TCF4: variants seen among roughly 807,000 people sequenced by gnomAD.
The protein encoded by TCF4 is SL3-3 enhancer factor 2.
In TCF4, 3 loss-of-function variants were observed where a neutral mutation model predicts 82.1. That is an observed-to-expected ratio of 0.04 (90% confidence interval 0.02 to 0.09). TCF4 has a LOEUF of 0.09. TCF4 is among the 10% of genes least tolerant of loss of function. The pLI is 1.00. For synonymous variants in TCF4, 276 were observed against 309.6 expected (o/e 0.89, Z 1.14); for missense variants, 518 against 852.7 (o/e 0.61, Z 4.89).
At chr18:55,265,699 T>C (rs1474865363) in intron 11 of TCF4, 1 of 152,164 alleles carries the variant, frequency 6.6e-6, no homozygotes, top group Non-Finnish European at 1.5e-5. Flanking sequence ...AATAATAAAA[T>C]TACTGTGAAA....
chr18:55,402,112 C>A lies in TCF4; in HGVS notation c.369+1342G>T, dbSNP rs922853320. ...CTGTAAATTTCTTTCCTGCAGAATT[C>A]TTTCCAAACAAACTGCCATGAACTG... On this transcript the variant is annotated intron_variant, in intron 6 of 19. Coordinates refer to ENST00000354452, the MANE Select transcript of TCF4 (RefSeq NM_001083962.2). 5.1e-5 allele frequency: 50 copies of A among 985,344 alleles called. 1 individual carries two copies. The South Asian group carries it at 2.2e-3, about 44-fold the overall frequency. 61.0% of individuals were successfully genotyped at this position (985,344 alleles called of 1,614,324 possible).
chr18:55,302,198 G>T (rs933377057), intron 8 of TCF4, among the ~76,000 whole-genome samples: 5 of 152,254 alleles, frequency 3.3e-5, no homozygotes, highest in African/African-American at 1.2e-4. Context: ...CGTAATGACA[G>T]TCAGCACCAA....
intron 8 of TCF4, among the ~76,000 whole-genome samples, chr18:55,319,876 G>T (rs1480172820): frequency 6.6e-6 from 1 of 152,076 alleles, no homozygotes; most frequent in East Asian, 1.9e-4. Context: ...TGTCAGTTCA[G>T]ATATTTAAGA....
At chr18:55,558,882 G>T (rs927261402) in intron 3 of TCF4, among the ~76,000 whole-genome samples, 4 of 152,054 alleles carry the variant, frequency 2.6e-5, no homozygotes, top group African/African-American at 9.7e-5. Context: ...GGGGAGATTG[G>T]TTGCCTGTGT....
chr18:55,425,558 T>C (rs1018842412), intron 5 of TCF4, among the ~76,000 whole-genome samples: 2 of 151,350 alleles, frequency 1.3e-5, no homozygotes, highest in African/African-American at 4.8e-5. Context: ...TCCATAGCTA[T>C]GTAGGAAGGG....
At chr18:55,623,997 T>C (rs1568504021) in intron 2 of TCF4, among the ~76,000 whole-genome samples, 1 of 152,162 alleles carries the variant, frequency 6.6e-6, no homozygotes, top group Non-Finnish European at 1.5e-5. Flanking sequence ...TTCTCTTTAA[T>C]TGTGGCAAAT....
intron 6 of TCF4, among the ~76,000 whole-genome samples, chr18:55,368,525 C>G (rs990972110): frequency 6.6e-6 from 1 of 151,970 alleles, no homozygotes; most frequent in Admixed American, 6.6e-5. Flanking sequence ...AACAAAAAAA[C>G]AAAAAACACA....
At position 55,293,931 on chromosome 18, in the gene TCF4, C is replaced by CTTTTTTTTTTTTTTTTTTTTTTTT. The variant is rs781150808; in HGVS notation, c.550-14299_550-14276dup. 1.7e-4 allele frequency among the ~76,000 whole-genome samples: 7 copies of CTTTTTTTTTTTTTTTTTTTTTTTT among 40,054 alleles called. 3 individuals are homozygous for CTTTTTTTTTTTTTTTTTTTTTTTT. Among genetic ancestry groups the CTTTTTTTTTTTTTTTTTTTTTTTT allele is most frequent in the Non-Finnish European group, 3.6e-4 (7 of 19,606 alleles). The allele number at this position is 40,054 out of a possible 152,430, so 26.3% of individuals were successfully genotyped here. On this transcript the variant is annotated intron_variant, in intron 8 of 19. Transcript: ENST00000354452. The stretch of plus-strand genomic sequence containing the variant: ...TTTCATCTTCTAAACTTTCCAAGGA[C>CTTTTTTTTTTTTTTTTTTTTTTTT]TTTTTTTTTTTTTTTTTTTTTTTTT...
chr18:55,546,322 G>A (rs890292785), intron 3 of TCF4, among the ~76,000 whole-genome samples: 10 of 144,910 alleles, frequency 6.9e-5, no homozygotes, highest in Non-Finnish European at 1.3e-4. Flanking sequence ...CTGGGCAACA[G>A]AGAGAGACCC....
intron 3 of TCF4, among the ~76,000 whole-genome samples, chr18:55,523,845 C>T (rs1014077136): frequency 2.0e-5 from 3 of 151,944 alleles, no homozygotes; most frequent in Non-Finnish European, 4.4e-5. Context: ...AAGGATTTTT[C>T]TGTGATGTTC....
At chr18:55,321,975 C>A in intron 8 of TCF4, 1 of 1,302,006 alleles carries the variant, frequency 7.7e-7, no homozygotes, top group Non-Finnish European at 9.8e-7. Context: ...TGATGGAGCT[C>A]GAAATCCTAA....
chr18:55,592,708 G>A (rs2097686917), upstream of TCF4, among the ~76,000 whole-genome samples: 1 of 152,168 alleles, frequency 6.6e-6, no homozygotes, highest in Non-Finnish European at 1.5e-5. Context: ...ATTGACCGTA[G>A]CCTATGGTGA....
chr18:55,450,306 G>A (rs2095599933), intron 5 of TCF4, among the ~76,000 whole-genome samples: 1 of 152,170 alleles, frequency 6.6e-6, no homozygotes, highest in South Asian at 2.1e-4. Flanking sequence ...ACTTTCAAAT[G>A]ATGCTTCCTT....
chr18:55,421,132 T>G (rs551335551), intron 5 of TCF4, among the ~76,000 whole-genome samples: 1 of 151,166 alleles, frequency 6.6e-6, no homozygotes, highest in Admixed American at 6.6e-5. Flanking sequence ...TTTACCACAA[T>G]AGATTTTACA....
intron 3 of TCF4, among the ~76,000 whole-genome samples, chr18:55,505,609 C>T (rs563630677): frequency 2.0e-5 from 3 of 151,666 alleles, no homozygotes; most frequent in Non-Finnish European, 4.4e-5. Flanking sequence ...TCGAGACCAT[C>T]CCGGCTAAAA....
chr18:55,437,050 C>T (rs1458861580), intron 5 of TCF4, among the ~76,000 whole-genome samples: 4 of 152,240 alleles, frequency 2.6e-5, no homozygotes, highest in African/African-American at 9.6e-5. Flanking sequence ...GCATCCTTAG[C>T]TATTTCCCTA....
At chr18:55,467,335 G>A (rs1168582515) in intron 3 of TCF4, among the ~76,000 whole-genome samples, 2 of 152,048 alleles carry the variant, frequency 1.3e-5, no homozygotes, top group East Asian at 1.9e-4. Context: ...CTATTCCAGT[G>A]CACCACCAAG....
rs770978805 is a variant in TCF4 at position 55,228,838 on chromosome 18, T to C, written c.1879+9A>G. 1 of 1,613,936 alleles carries C rather than the reference T, an allele frequency of 6.2e-7. No individual in the cohort carries two copies. The highest frequency in any genetic ancestry group is 8.5e-7 in the Non-Finnish European group (1 of 1,179,996). On this transcript the variant is annotated intron_variant, in intron 18 of 19. Transcript: ENST00000354452. The stretch of plus-strand genomic sequence containing the variant: ...CACGAGCTCTGCAAGGAGGCTGGCC[T>C]GCACTGACCTCGGACTTGCTGCTCC...
chr18:55,287,390 G>A (rs905041489), intron 8 of TCF4, among the ~76,000 whole-genome samples: 1 of 152,124 alleles, frequency 6.6e-6, no homozygotes, highest in Non-Finnish European at 1.5e-5. Flanking sequence ...TAAACCTGGG[G>A]CTAAATCCTG....
Sources: gnomAD v4.1 joint callset for allele counts (sites outside exome capture counted in the v4.1 genomes callset) on GRCh38, gnomAD v4.1.1 for gene constraint, MANE v1.5 for transcripts, NCBI Gene and HGNC (gene_info 2026-07-23, HGNC 2026-07-21) for gene names.